CCDC85A: variants seen among roughly 807,000 people sequenced by gnomAD.
The protein encoded by CCDC85A is coiled-coil domain containing 85A.
In CCDC85A, 38 loss-of-function variants were observed where a neutral mutation model predicts 50.2. That is an observed-to-expected ratio of 0.76 (90% CI 0.58 to 0.99). The LOEUF (loss-of-function observed/expected upper bound fraction) is 0.99. Ranked by LOEUF, CCDC85A falls within the 50% of genes least tolerant of loss-of-function variation. The pLI, the probability that CCDC85A is intolerant of heterozygous loss-of-function variation, is 0.00. For missense variants in CCDC85A, 820 were observed against 742.0 expected (o/e 1.11, Z -1.22); for synonymous variants, 366 against 301.4 (o/e 1.21, Z -2.22).
intron 2 of CCDC85A, among the ~76,000 whole-genome samples, chr2:56,202,649 C>T (rs946533876): frequency 1.3e-5 from 2 of 152,196 alleles, no homozygotes; most frequent in Non-Finnish European, 1.5e-5. Context: ...CTAATTAAGC[C>T]AGTTATTCTG....
chr2:56,185,052 G>A, intron 1 of CCDC85A, 152 bp downstream of exon 1: 1 of 972,584 alleles, frequency 1.0e-6, no homozygotes, highest in East Asian at 3.2e-5. Flanking sequence ...CCCAGCCCCT[G>A]TGTAACTTTT....
chr2:56,291,571 T>C (rs576642889), intron 2 of CCDC85A, among the ~76,000 whole-genome samples: 1 of 152,048 alleles, frequency 6.6e-6, no homozygotes, highest in Non-Finnish European at 1.5e-5. Flanking sequence ...CCTTGAAAAT[T>C]TGGGAGAAGA....
chr2:56,275,056 G>A (rs931959733), intron 2 of CCDC85A, among the ~76,000 whole-genome samples: 3 of 151,984 alleles, frequency 2.0e-5, no homozygotes, highest in Non-Finnish European at 2.9e-5. Flanking sequence ...CCTCCCAAAG[G>A]CTTCATCTCT....
chr2:56,350,190 A>G (rs1674845447), intron 3 of CCDC85A, among the ~76,000 whole-genome samples: 1 of 145,690 alleles, frequency 6.9e-6, no homozygotes, highest in South Asian at 2.1e-4. Context: ...TTTTTGAGAC[A>G]GAGTCTCGCT....
At chr2:56,324,881 C>T (rs1207627355) in intron 2 of CCDC85A, among the ~76,000 whole-genome samples, 2 of 152,038 alleles carry the variant, frequency 1.3e-5, no homozygotes, top group East Asian at 3.9e-4. Flanking sequence ...ATCACAGTTC[C>T]TTCCCCATGG....
At chr2:56,222,640 G>A (rs1034336361) in intron 2 of CCDC85A, among the ~76,000 whole-genome samples, 2 of 152,026 alleles carry the variant, frequency 1.3e-5, no homozygotes, top group Admixed American at 1.3e-4. Context: ...TTGTAAATCT[G>A]TTTTCTTGGC....
chr2:56,245,969 G>GA (rs1330417867), intron 2 of CCDC85A, among the ~76,000 whole-genome samples: 1 of 152,156 alleles, frequency 6.6e-6, no homozygotes, highest in East Asian at 1.9e-4. Flanking sequence ...TATAGCAGCT[G>GA]AAAACGTACT....
At chr2:56,287,524 T>C (rs2104128548) in intron 2 of CCDC85A, among the ~76,000 whole-genome samples, 1 of 152,348 alleles carries the variant, frequency 6.6e-6, no homozygotes, top group Non-Finnish European at 1.5e-5. Context: ...TAGTTGTTTA[T>C]GGCAGGAGGA....
intron 2 of CCDC85A, among the ~76,000 whole-genome samples, chr2:56,213,106 A>C (rs1011310347): frequency 6.6e-6 from 1 of 152,028 alleles, no homozygotes; most frequent in Admixed American, 6.6e-5. Context: ...TAGAGGAGAT[A>C]TAATATCCCA....
chr2:56,230,736 T>A (rs995656614), intron 2 of CCDC85A, among the ~76,000 whole-genome samples: 1 of 152,198 alleles, frequency 6.6e-6, no homozygotes, highest in Non-Finnish European at 1.5e-5. Context: ...TTTGAAAATT[T>A]ATTTCGTTTT....
chr2:56,310,771 G>A (rs2104223909), intron 2 of CCDC85A, among the ~76,000 whole-genome samples: 1 of 152,244 alleles, frequency 6.6e-6, no homozygotes, highest in South Asian at 2.1e-4. Context: ...ATGCTAGATG[G>A]AAGCAAGGTT....
chr2:56,355,465 AT>A (rs1352623420), intron 3 of CCDC85A, among the ~76,000 whole-genome samples: 1 of 152,164 alleles, frequency 6.6e-6, no homozygotes, highest in East Asian at 1.9e-4. Context: ...TCTCACAAAA[AT>A]TTACTCACCT....
chr2:56,321,321 T>C (rs1384876196), intron 2 of CCDC85A, among the ~76,000 whole-genome samples: 1 of 152,088 alleles, frequency 6.6e-6, no homozygotes, highest in East Asian at 1.9e-4. Context: ...TAATAAAGGG[T>C]ATTCAGTTAG....
intron 2 of CCDC85A, among the ~76,000 whole-genome samples, chr2:56,268,617 A>C (rs577541601): frequency 1.5e-4 from 22 of 151,404 alleles, no homozygotes; most frequent in Non-Finnish European, 3.1e-4. Flanking sequence ...AAAGAAAAGA[A>C]AAGAAAAGAA....
At chr2:56,333,087 A>T (rs925278199) in intron 2 of CCDC85A, among the ~76,000 whole-genome samples, 4 of 152,240 alleles carry the variant, frequency 2.6e-5, no homozygotes, top group African/African-American at 9.6e-5. Flanking sequence ...CAGGCCTTAT[A>T]TAATACACAT....
At chr2:56,261,994 A>T (rs1256294899) in intron 2 of CCDC85A, among the ~76,000 whole-genome samples, 1 of 152,160 alleles carries the variant, frequency 6.6e-6, no homozygotes, top group African/African-American at 2.4e-5. Context: ...GGCATGATTC[A>T]TTCATTCATT....
At chr2:56,308,498 CT>C (rs1672543103) in intron 2 of CCDC85A, among the ~76,000 whole-genome samples, 1 of 152,182 alleles carries the variant, frequency 6.6e-6, no homozygotes, top group Non-Finnish European at 1.5e-5. Context: ...AAATCTGGCT[CT>C]GTTGCCTTCT....
chr2:56,329,290 A>G (rs1673638647), intron 2 of CCDC85A, among the ~76,000 whole-genome samples: 1 of 151,958 alleles, frequency 6.6e-6, no homozygotes. Context: ...ATGTAGATCT[A>G]AGCTAAAGTG....
intron 2 of CCDC85A, among the ~76,000 whole-genome samples, chr2:56,208,414 T>C (rs555191962): frequency 7.2e-5 from 11 of 152,282 alleles, no homozygotes; most frequent in African/African-American, 1.9e-4. Context: ...TTGACTTTGG[T>C]AACTCACTGA....
Sources: allele counts gnomAD v4.1 joint callset (sites outside exome capture counted in the v4.1 genomes callset), GRCh38; gene constraint gnomAD v4.1.1; transcripts MANE v1.5; gene names NCBI Gene and HGNC (gene_info 2026-07-23, HGNC 2026-07-21).